Variants in BRCA1 observed in about 807,000 individuals in gnomAD.
BRCA1 encodes the protein breast cancer type 1 susceptibility protein.
A neutral mutation model predicts 173.7 loss-of-function variants in BRCA1; 140 were observed. The ratio of observed to expected loss-of-function variants is 0.81; its 90% CI spans 0.70 to 0.93. The LOEUF (loss-of-function observed/expected upper bound fraction) is 0.93. BRCA1 is among the 40% of genes least tolerant of loss of function. BRCA1 has a pLI of 0.00. For synonymous variants in BRCA1, 662 were observed against 756.0 expected, an observed-to-expected ratio of 0.88 and a Z score of 2.04; for missense variants, 1,983 against 2,172.5, an observed-to-expected ratio of 0.91 and a Z score of 1.73.
At chr17:43,056,593 G>C (rs1052405584) in intron 19 of BRCA1, among the ~76,000 whole-genome samples, 6 of 152,026 alleles carry the variant, frequency 3.9e-5, no homozygotes, top group Non-Finnish European at 8.8e-5. Flanking sequence ...TTCAAGACCA[G>C]CCTGGGCAAG....
rs2055232342 is a variant in BRCA1 at position 43,115,619 on chromosome 17, T to C, written c.134+107A>G. 2.7e-6 allele frequency: 3 copies of C among 1,122,758 alleles called. No homozygotes were observed. The East Asian group carries it at 7.7e-5, about 29-fold the overall frequency. The allele number at this position is 1,122,758 out of a possible 1,614,324, so 69.5% of individuals were successfully genotyped here. A position where few individuals can be genotyped will look rare whatever the true frequency, so the allele number is the denominator to read the frequency against. The stretch of plus-strand genomic sequence containing the variant: ...TGAAATGGAGTTGGATTTTTCGTTC[T>C]CACTTAATTGAAGAAAGTAAAGCTT... On this transcript the variant is annotated intron_variant, in intron 3 of 22. Transcript: ENST00000357654.
chr17:43,064,639 AAGCAGC>A (rs796218625), intron 16 of BRCA1, among the ~76,000 whole-genome samples: 1 of 152,064 alleles, frequency 6.6e-6, no homozygotes, highest in Non-Finnish European at 1.5e-5. Flanking sequence ...GGCTATCTGC[AAGCAGC>A]AGCAGCAGCA....
intron 18 of BRCA1, 62 bp from the exon 19 acceptor site, chr17:43,057,197 T>C (rs2153410599): frequency 6.6e-7 from 1 of 1,515,498 alleles, no homozygotes; most frequent in South Asian, 1.1e-5. Context: ...TCAATGGAAG[T>C]GGAGCAGACA....
At chr17:43,068,625 T>TA (rs1211948374) in intron 15 of BRCA1, among the ~76,000 whole-genome samples, 2 of 152,130 alleles carry the variant, frequency 1.3e-5, no homozygotes, top group Admixed American at 6.5e-5. Flanking sequence ...TTCGATTCCC[T>TA]AAGATCGTTT....
At position 43,063,368 on chromosome 17, in the gene BRCA1, T is replaced by C. The variant is rs56195342; in HGVS notation, c.5158A>G (p.Thr1720Ala). The C allele has an allele frequency of 1.3e-4, 203 of 1,611,752 alleles. No homozygotes were observed. The highest frequency in any genetic ancestry group is 8.5e-4 in the Admixed American group (51 of 60,008). ...ATTTTTCTTTCTTTAATAGACTGGG[T>C]CACCCCTAAAGAGATCATAGAAAAG... is the stretch of plus-strand genomic sequence containing the variant. The part of the protein sequence containing the change: ...GKWVVSYFWV[T>A]QSIKERKMLN... The change falls in exon 18 of 23, where the codon ACC becomes GCC. Residue 1720 changes from threonine to alanine, a missense_variant. Thr to Ala is a moderately conservative substitution (Grantham distance 58). Coordinates refer to ENST00000357654, the MANE Select transcript of BRCA1 (RefSeq NM_007294.4).
Position 43,077,760 on chromosome 17 carries a change from G to GT in BRCA1, c.4358-1147dup, listed in dbSNP as rs11368665. On this transcript the variant is annotated intron_variant, in intron 12 of 22. Coordinates refer to ENST00000357654, the MANE Select transcript of BRCA1 (RefSeq NM_007294.4). The stretch of plus-strand genomic sequence containing the variant: ...ATTTATTTATTTTTTTTGAGATGGA[G>GT]TTTGCTCTTGTTGCCCAGGCTGCAG... 1 allele frequency among the ~76,000 whole-genome samples: 152,003 copies of GT among 152,020 alleles called. 75,993 individuals carry two copies. The highest frequency in any genetic ancestry group is 1 in the Middle Eastern group (294 of 294).
intron 1 of BRCA1, chr17:43,163,516 C>T (rs1291689266): frequency 2.0e-5 from 3 of 152,206 alleles, no homozygotes; most frequent in East Asian, 1.9e-4. Flanking sequence ...TGGTATTCTT[C>T]GTGGGACTCC....
intron 18 of BRCA1, among the ~76,000 whole-genome samples, chr17:43,061,586 T>C (rs2051754504): frequency 7.5e-6 from 1 of 132,686 alleles, no homozygotes; most frequent in African/African-American, 2.7e-5. Flanking sequence ...ATAAAATTAC[T>C]TTTTTTTTTT....
At chr17:43,143,200 C>T (rs1019691228) in intron 1 of BRCA1, among the ~76,000 whole-genome samples, 22 of 149,642 alleles carry the variant, frequency 1.5e-4, no homozygotes, top group Non-Finnish European at 2.4e-4. Flanking sequence ...CTTGGCCTCC[C>T]AAAATGTTGG....
chr17:43,074,611 A>C, intron 13 of BRCA1, 90 bp from the exon 14 acceptor site: 1 of 1,179,166 alleles, frequency 8.5e-7, no homozygotes, highest in Non-Finnish European at 1.2e-6. Context: ...TAAATGAAAC[A>C]GCTCATGTCA....
At chr17:43,148,800 CG>C (rs1411963459) in intron 1 of BRCA1, 3 of 167,972 alleles carry the variant, frequency 1.8e-5, no homozygotes, top group African/African-American at 7.2e-5. Context: ...TGGAAGAAAA[CG>C]CAATTAAGAT....
intron 1 of BRCA1, among the ~76,000 whole-genome samples, chr17:43,134,016 C>CTT (rs2055994650): frequency 6.6e-6 from 1 of 152,220 alleles, no homozygotes; most frequent in African/African-American, 2.4e-5. Context: ...CTGCTGGCCA[C>CTT]TTACCAGCCA....
intron 1 of BRCA1, among the ~76,000 whole-genome samples, chr17:43,150,924 A>G (rs1278590824): frequency 6.6e-6 from 1 of 152,202 alleles, no homozygotes; most frequent in Non-Finnish European, 1.5e-5. Context: ...TGGTTTGGTC[A>G]ACCTGACAGG....
rs111034213 is a variant in BRCA1 at position 43,076,501 on chromosome 17, G to A, written c.4471C>T (p.Pro1491Ser). The change falls in exon 13 of 23, where the codon CCA becomes TCA. Residue 1491 changes from proline (P) to serine (S), a missense_variant. Coordinates refer to ENST00000357654, the MANE Select transcript of BRCA1 (RefSeq NM_007294.4). ...GATGTTTCTTACCTTTCCACTCCTG[G>A]TTCTTTATTTTTACTGGTAGAACTA... ...ADSSTSKNKE[P>S]GVERSSPSKC... 1.2e-6 allele frequency: 2 copies of A among 1,613,574 alleles called. No individual in the cohort carries two copies. The highest frequency in any genetic ancestry group is 1.7e-6 in the Non-Finnish European group (2 of 1,179,832).
rs879255297 is a variant in BRCA1 at position 43,076,482 on chromosome 17, T to G, written c.4484+6A>C. 3 of 1,613,582 alleles carry G rather than the reference T, an allele frequency of 1.9e-6. No individual in the cohort carries two copies. In the Admixed American group the frequency reaches 5.0e-5, roughly 27 times the overall value. ...ACCACAGCATCTTTACATTGATGTT[T>G]CTTACCTTTCCACTCCTGGTTCTTT... On this transcript the variant is annotated splice_donor_region_variant and intron_variant, in intron 13 of 22. Coordinates refer to ENST00000357654, the MANE Select transcript of BRCA1 (RefSeq NM_007294.4).
At chr17:43,102,796 G>A (rs2054550765) in intron 6 of BRCA1, among the ~76,000 whole-genome samples, 1 of 151,888 alleles carries the variant, frequency 6.6e-6, no homozygotes, top group South Asian at 2.1e-4. Context: ...GGGACTACAG[G>A]CACACACCAC....
At chr17:43,060,349 G>A (rs996771392) in intron 18 of BRCA1, among the ~76,000 whole-genome samples, 1 of 152,130 alleles carries the variant, frequency 6.6e-6, no homozygotes, top group East Asian at 1.9e-4. Flanking sequence ...GCCGTGCCCA[G>A]CTAATTTTTG....
intron 12 of BRCA1, 54 bp downstream of exon 12, chr17:43,082,350 A>C: frequency 1.3e-6 from 2 of 1,569,618 alleles, no homozygotes; most frequent in Non-Finnish European, 1.8e-6. Context: ...AAGGAGATAA[A>C]GGGGAAGGAA....
intron 4 of BRCA1, 79 bp downstream of exon 4, chr17:43,106,377 G>T: frequency 1.1e-6 from 1 of 902,890 alleles, no homozygotes; most frequent in Non-Finnish European, 1.7e-6. Context: ...GGTTTTATAG[G>T]AACGCTATGT....
Sources: gnomAD v4.1 joint callset for allele counts (sites outside exome capture counted in the v4.1 genomes callset) on GRCh38, gnomAD v4.1.1 for gene constraint, MANE v1.5 for transcripts, NCBI Gene and HGNC (gene_info 2026-07-23, HGNC 2026-07-21) for gene names.